Variants in TBCD observed in about 807,000 individuals in gnomAD.
TBCD encodes tubulin-specific chaperone D.
A neutral mutation model predicts 169.3 loss-of-function variants in TBCD; 105 were observed. The ratio of observed to expected loss-of-function variants is 0.62; its 90% CI spans 0.53 to 0.73. The LOEUF is 0.73. TBCD is among the 30% of genes least tolerant of loss of function. The probability of loss-of-function intolerance (pLI) is 0.00; values close to 1 mark genes in which losing one functional copy is unlikely to be tolerated. For synonymous variants in TBCD, 700 were observed against 643.9 expected (o/e 1.09, Z -1.32); for missense variants, 1,444 against 1,600.1 (o/e 0.90, Z 1.66).
At chr17:82,868,078 A>G (rs2057303039) in intron 13 of TBCD, among the ~76,000 whole-genome samples, 2 of 152,100 alleles carry the variant, frequency 1.3e-5, no homozygotes, top group South Asian at 2.1e-4. Flanking sequence ...TGGTCTGACC[A>G]TGGTGGGAGG....
At chr17:82,814,712 A>G (rs1275850503) in intron 12 of TBCD, 128 bp from the exon 13 acceptor site, 2 of 848,106 alleles carry the variant, frequency 2.4e-6, no homozygotes, top group Non-Finnish European at 3.8e-6. Context: ...AATGGGTTTT[A>G]GTGAGCCTTA....
At chr17:82,780,010 A>T (rs2144259757) in intron 6 of TBCD, among the ~76,000 whole-genome samples, 1 of 152,052 alleles carries the variant, frequency 6.6e-6, no homozygotes, top group African/African-American at 2.4e-5. Context: ...CACCCCATAA[A>T]GGTGTGGCTA....
chr17:82,760,698 A>G (rs1285237020), intron 2 of TBCD, among the ~76,000 whole-genome samples: 1 of 152,232 alleles, frequency 6.6e-6, no homozygotes, highest in Non-Finnish European at 1.5e-5. Flanking sequence ...GTGTTAGTGT[A>G]TTAGTGTATT....
chr17:82,912,287 C>T (rs1458718038), intron 23 of TBCD, among the ~76,000 whole-genome samples: 1 of 152,184 alleles, frequency 6.6e-6, no homozygotes, highest in African/African-American at 2.4e-5. Flanking sequence ...CGAGTCCAGG[C>T]GAACCTCTGC....
chr17:82,906,461 T>A (rs191265447), intron 20 of TBCD, among the ~76,000 whole-genome samples: 4 of 152,370 alleles, frequency 2.6e-5, no homozygotes, highest in African/African-American at 9.6e-5. Flanking sequence ...TAGTTTAAAA[T>A]GCCAGAGAAT....
In TBCD at chr17:82,903,576, T is replaced by C; in HGVS notation, c.1804+98T>C. ...AGGCTGGGGGCTGAAAATAAGGTTG[T>C]GCTTCTGTCTTGGTGAGAAGCATCT... On this transcript the variant is annotated intron_variant, in intron 19 of 38. Transcript: ENST00000355528. This position sits in a 1 kb window ranked among gnomAD's most constrained non-coding sequence, Gnocchi z 4.8. 1 of 1,259,740 alleles carries C rather than the reference T, an allele frequency of 7.9e-7. No homozygotes were observed. The highest frequency in any genetic ancestry group is 1.1e-6 in the Non-Finnish European group (1 of 898,104). 78.0% of individuals were successfully genotyped at this position (1,259,740 alleles called of 1,614,324 possible). A position where few individuals can be genotyped will look rare whatever the true frequency, so the allele number is the denominator to read the frequency against.
At chr17:82,857,863 C>T (rs911435544) in intron 13 of TBCD, among the ~76,000 whole-genome samples, 2 of 151,148 alleles carry the variant, frequency 1.3e-5, no homozygotes, top group Non-Finnish European at 2.9e-5. Flanking sequence ...ATACATGTGC[C>T]ATGCTGCTGC....
At chr17:82,932,983 G>A (rs935350263) in intron 34 of TBCD, 6 of 511,186 alleles carry the variant, frequency 1.2e-5, no homozygotes, top group Non-Finnish European at 1.8e-5. Flanking sequence ...TGAGGCGGGG[G>A]CCCTGCTGTG....
At chr17:82,829,420 A>G (rs1193844629) in intron 13 of TBCD, 3 of 65,170 alleles carry the variant, frequency 4.6e-5, no homozygotes, top group Non-Finnish European at 7.9e-5. Context: ...ATTGACTGTT[A>G]CGGCAAAATA....
chr17:82,794,270 G>A (rs917556465), intron 7 of TBCD, among the ~76,000 whole-genome samples: 1 of 152,192 alleles, frequency 6.6e-6, no homozygotes, highest in Non-Finnish European at 1.5e-5. Context: ...GGGGAAGCTG[G>A]CTCGCACGTT....
chr17:82,893,758 G>A (rs2059300739), intron 17 of TBCD, 126 bp downstream of exon 17: 2 of 725,826 alleles, frequency 2.8e-6, no homozygotes, highest in Non-Finnish European at 4.4e-6. Context: ...GTTTTTGTGT[G>A]AAAAATTAAA....
At chr17:82,868,698 G>A (rs928975096) in intron 13 of TBCD, among the ~76,000 whole-genome samples, 15 of 152,182 alleles carry the variant, frequency 9.9e-5, no homozygotes, top group East Asian at 5.8e-4. Flanking sequence ...TATAATATTC[G>A]TAGTCCTACA....
chr17:82,897,533 A>C (rs994658603), intron 17 of TBCD, among the ~76,000 whole-genome samples: 1 of 151,758 alleles, frequency 6.6e-6, no homozygotes, highest in African/African-American at 2.4e-5. Context: ...AAAAAAAAAA[A>C]ATCAGCTTTA....
chr17:82,865,643 C>T (rs2145880287), intron 13 of TBCD: 1 of 666,888 alleles, frequency 1.5e-6, no homozygotes, highest in Middle Eastern at 7.4e-4. Flanking sequence ...AGAAGTCCAG[C>T]ACGATGCAGT....
chr17:82,755,961 GCC>G (rs1258821740), intron 1 of TBCD, among the ~76,000 whole-genome samples: 1 of 152,156 alleles, frequency 6.6e-6, no homozygotes, highest in African/African-American at 2.4e-5. Context: ...GGCCACAGTG[GCC>G]CTCAAAAGGC....
intron 7 of TBCD, among the ~76,000 whole-genome samples, chr17:82,794,741 G>T (rs940436331): frequency 6.6e-6 from 1 of 152,186 alleles, no homozygotes; most frequent in Non-Finnish European, 1.5e-5. Context: ...TCATTGACTC[G>T]TTCCTTCCCT....
At chr17:82,861,938 A>G (rs949489845) in intron 13 of TBCD, among the ~76,000 whole-genome samples, 9 of 149,022 alleles carry the variant, frequency 6.0e-5, no homozygotes, top group African/African-American at 1.5e-4. Flanking sequence ...TTTTTTTGAG[A>G]CAGAGTCTCG....
chr17:82,870,332 G>A lies in TBCD; in HGVS notation c.1427G>A (p.Arg476His), dbSNP rs1206646550. The A allele has an allele frequency of 3.1e-6, 5 of 1,613,362 alleles. No homozygotes were observed. Among genetic ancestry groups the A allele is most frequent in the Non-Finnish European group, 2.5e-6 (3 of 1,179,880 alleles). The change falls in exon 14 of 39, where the codon CGT (arginine) becomes CAT (histidine). Residue 476 changes from arginine to histidine, a missense_variant. Coordinates refer to ENST00000355528, the MANE Select transcript of TBCD (RefSeq NM_005993.5). Reference sequence around the variant, plus strand: ...TGCTACGTGTGCTGGGCCTTCGCGCGTGCCTATGAGCCTCAGGAGCTGAAG... The same window carrying A: ...TGCTACGTGTGCTGGGCCTTCGCGCATGCCTATGAGCCTCAGGAGCTGAAG... ...AACYVCWAFA[R>H]AYEPQELKPF...
At position 82,900,642 on chromosome 17, in the gene TBCD, C is replaced by G. The variant is rs200801451; in HGVS notation, c.1650-9C>G. 159 of 1,613,344 alleles carry G rather than the reference C, an allele frequency of 9.9e-5. No individual in the cohort carries two copies. The highest frequency in any genetic ancestry group is 6.6e-4 in the Middle Eastern group (4 of 6,060). ...GCGTCTCACCACCTCTCCATGCTGTCTTTTCCAGTGTGTTTATTGCCGGCT... is the reference window on the plus strand; with the variant it reads ...GCGTCTCACCACCTCTCCATGCTGTGTTTTCCAGTGTGTTTATTGCCGGCT... On this transcript the variant is annotated splice_polypyrimidine_tract_variant and intron_variant, in intron 17 of 38. Coordinates refer to ENST00000355528, the MANE Select transcript of TBCD (RefSeq NM_005993.5).
Sources: gnomAD v4.1 joint callset for allele counts (sites outside exome capture counted in the v4.1 genomes callset) on GRCh38, gnomAD v4.1.1 for gene constraint, Gnocchi (gnomAD v3.1) non-coding constraint, MANE v1.5 for transcripts, NCBI Gene and HGNC (gene_info 2026-07-23, HGNC 2026-07-21) for gene names.